The following COG5 variants were observed in gnomAD, a reference collection of about 807,000 sequenced individuals.
COG5 encodes the protein conserved oligomeric Golgi complex subunit 5.
Under a neutral mutation model 110.4 loss-of-function variants are expected in COG5, and 86 were observed. That is an observed-to-expected ratio of 0.78 (90% CI 0.65 to 0.93). The LOEUF (loss-of-function observed/expected upper bound fraction) is 0.93. Among genes scored for constraint, COG5 ranks in the 40% least tolerant of loss-of-function variants. The pLI is 0.00. For synonymous variants in COG5, 360 were observed against 334.6 expected (o/e 1.08, Z -0.83); for missense variants, 1,077 against 987.0 (o/e 1.09, Z -1.22).
In COG5 at chr7:107,314,294, G is replaced by C. The variant is rs543199631; in HGVS notation, c.1108+10146C>G. 2.0e-5 allele frequency among the ~76,000 whole-genome samples: 3 copies of C among 152,234 alleles called. No homozygotes were observed. In the South Asian group the frequency reaches 6.2e-4, roughly 32 times the overall value. On this transcript the variant is annotated intron_variant, in intron 11 of 21. Coordinates refer to ENST00000297135, the MANE Select transcript of COG5 (RefSeq NM_006348.5). ...GAAGGGGACATGAAGGGAACATCTG[G>C]ACTACAGATAATACTGTTTCTTATT... is the stretch of plus-strand genomic sequence containing the variant.
intron 5 of COG5, 67 bp downstream of exon 5, chr7:107,548,044 T>C (rs1195887867): frequency 1.5e-6 from 2 of 1,331,538 alleles, no homozygotes; most frequent in Non-Finnish European, 1.1e-6. Context: ...CTCATACTCT[T>C]AAATTTTGTC....
chr7:107,229,366 T>G (rs1406217472), intron 19 of COG5, among the ~76,000 whole-genome samples: 1 of 152,136 alleles, frequency 6.6e-6, no homozygotes, highest in African/African-American at 2.4e-5. Context: ...GGAGAATCGC[T>G]TGAACCCGGG....
In COG5 at chr7:107,305,869, C is replaced by T. The variant is rs1257414819; in HGVS notation, c.1109-7523G>A. Among the ~76,000 whole-genome samples the T allele has an allele frequency of 4.6e-5, 7 of 151,998 alleles. No individual in the cohort carries two copies. In the South Asian group the frequency reaches 8.3e-4, roughly 18 times the overall value. On this transcript the variant is annotated intron_variant, in intron 11 of 21. Coordinates refer to ENST00000297135, the MANE Select transcript of COG5 (RefSeq NM_006348.5). ...CTGAGAGCAAAATGGAGGTTAAAAC[C>T]GTATGCAACCTAATCACAGGAGGGA...
At chr7:107,324,903 T>C (rs1809634399) in intron 10 of COG5, among the ~76,000 whole-genome samples, 1 of 152,202 alleles carries the variant, frequency 6.6e-6, no homozygotes, top group South Asian at 2.1e-4. Flanking sequence ...GAATGTTAGC[T>C]ATTATTATTA....
intron 17 of COG5, among the ~76,000 whole-genome samples, 191 bp from the exon 18 acceptor site, chr7:107,236,878 T>C (rs1801234602): frequency 6.6e-6 from 1 of 152,210 alleles, no homozygotes; most frequent in Non-Finnish European, 1.5e-5. Context: ...TTTCAAAAAG[T>C]GGTTTAGATG....
At chr7:107,370,523 C>CGTGA (rs1814044900) in intron 8 of COG5, among the ~76,000 whole-genome samples, 1 of 151,868 alleles carries the variant, frequency 6.6e-6, no homozygotes, top group Non-Finnish European at 1.5e-5. Context: ...CGGTGGCTCA[C>CGTGA]GCCTGTAATC....
At chr7:107,540,005 GTC>G (rs1439219118) in intron 5 of COG5, among the ~76,000 whole-genome samples, 2 of 152,158 alleles carry the variant, frequency 1.3e-5, no homozygotes, top group African/African-American at 4.8e-5. Flanking sequence ...GAGCATGACA[GTC>G]TCTCTGAAGT....
intron 6 of COG5, among the ~76,000 whole-genome samples, chr7:107,497,772 T>C (rs1052768616): frequency 3.9e-5 from 6 of 152,074 alleles, no homozygotes; most frequent in African/African-American, 9.7e-5. Context: ...TGTCATTTTT[T>C]AGAGAAATAG....
rs376220801 is a variant in COG5, at chr7:107,376,334, G to A, written c.670-3574C>T. Among the ~76,000 whole-genome samples the A allele has an allele frequency of 1.5e-4, 23 of 151,964 alleles. No homozygotes were observed. The East Asian group carries it at 2.5e-3, about 17-fold the overall frequency. On this transcript the variant is annotated intron_variant, in intron 7 of 21. Transcript: ENST00000297135. ...TTTTTTAAAAAAGTTTTCAGGTATT[G>A]TTTGAGATTGCATTAACTCTATAGA...
At chr7:107,248,722 C>T (rs1802251295) in intron 16 of COG5, among the ~76,000 whole-genome samples, 1 of 152,080 alleles carries the variant, frequency 6.6e-6, no homozygotes, top group Non-Finnish European at 1.5e-5. Flanking sequence ...CACCCCCACT[C>T]TTCTTATTTT....
At chr7:107,508,029 G>C (rs796694213) in intron 6 of COG5, among the ~76,000 whole-genome samples, 13 of 152,344 alleles carry the variant, frequency 8.5e-5, no homozygotes, top group African/African-American at 3.1e-4. Context: ...CAGACAGTGG[G>C]TGCAAGACAG....
chr7:107,223,346 T>G (rs1323632252), intron 19 of COG5, among the ~76,000 whole-genome samples: 1 of 152,166 alleles, frequency 6.6e-6, no homozygotes, highest in Non-Finnish European at 1.5e-5. Context: ...GCCTAGTTTG[T>G]GGCACGAGGG....
In COG5 at chr7:107,208,393, C is replaced by T. The variant is rs1332473644; in HGVS notation, c.2375+2133G>A. The T allele has an allele frequency of 6.1e-6, 6 of 985,334 alleles. No individual in the cohort carries two copies. In the African/African-American group the frequency reaches 1.0e-4, roughly 17 times the overall value. The allele number at this position is 985,334 out of a possible 1,614,324, so 61.0% of individuals were successfully genotyped here. A position where few individuals can be genotyped will look rare whatever the true frequency, so the allele number is the denominator to read the frequency against. ...AGAAAACAGATTTGTGATGTACACA[C>T]AGCAGGACAACTGTTTTGGATGAAC... On this transcript the variant is annotated intron_variant, in intron 21 of 21. Coordinates refer to ENST00000297135, the MANE Select transcript of COG5 (RefSeq NM_006348.5).
chr7:107,324,541 A>T lies in COG5; in HGVS notation c.1027-20T>A. 3 of 1,499,272 alleles carry T rather than the reference A, an allele frequency of 2.0e-6. No individual in the cohort carries two copies. Among genetic ancestry groups the T allele is most frequent in the Non-Finnish European group, 1.8e-6 (2 of 1,086,352 alleles). 92.9% of individuals were successfully genotyped at this position (1,499,272 alleles called of 1,614,324 possible). A position where few individuals can be genotyped will look rare whatever the true frequency, so the allele number is the denominator to read the frequency against. On this transcript the variant is annotated intron_variant, in intron 10 of 21. Transcript: ENST00000297135. ...TCCATCCTGTGAAGAACAAACAAAA[A>T]TTTTTTAAAAATAAAAAAATGCATT...
chr7:107,401,622 G>A (rs1160671022), intron 7 of COG5, among the ~76,000 whole-genome samples: 2 of 152,096 alleles, frequency 1.3e-5, no homozygotes, highest in African/African-American at 4.8e-5. Context: ...GTGTGCCAAG[G>A]AACAAGTTTT....
At chr7:107,481,570 G>C (rs1797348170) in intron 6 of COG5, among the ~76,000 whole-genome samples, 1 of 151,616 alleles carries the variant, frequency 6.6e-6, no homozygotes, top group Non-Finnish European at 1.5e-5. Context: ...ACACTGGTTG[G>C]GTATACTGCA....
At chr7:107,483,182 G>C (rs1325395960) in intron 6 of COG5, among the ~76,000 whole-genome samples, 1 of 152,008 alleles carries the variant, frequency 6.6e-6, no homozygotes, top group African/African-American at 2.4e-5. Flanking sequence ...AATAGTTTAG[G>C]TAACACTGAT....
At chr7:107,563,777 G>A (rs1361068051) in intron 1 of COG5, 26 bp downstream of exon 1, 4 of 1,612,942 alleles carry the variant, frequency 2.5e-6, no homozygotes, top group South Asian at 1.1e-5. Flanking sequence ...CCAACCCCAC[G>A]ACCTGGTCAG....
rs1209851674 is a variant in COG5 at position 107,474,168 on chromosome 7, T to C, written c.538+53069A>G. 3 of 1,612,112 alleles carry C rather than the reference T, an allele frequency of 1.9e-6. No individual in the cohort carries two copies. The highest frequency in any genetic ancestry group is 1.1e-5 in the South Asian group (1 of 91,048). ...CCAATATGTACCAACCACTATCATA[T>C]CCGTTAAGCTTTCAAGTGTCTCTCA... On this transcript the variant is annotated intron_variant, in intron 6 of 21. Transcript: ENST00000297135. The surrounding 1 kb of genome is among the most constrained non-coding windows in gnomAD (Gnocchi z 5.7).
Sources: allele counts gnomAD v4.1 joint callset (sites outside exome capture counted in the v4.1 genomes callset), GRCh38; gene constraint gnomAD v4.1.1; non-coding constraint Gnocchi (gnomAD v3.1); transcripts MANE v1.5; gene names NCBI Gene and HGNC (gene_info 2026-07-23, HGNC 2026-07-21).